WDR7: variants seen among roughly 807,000 people sequenced by gnomAD.
The protein encoded by WDR7 is WD repeat domain 7, also known as WD repeat-containing protein 7.
Under a neutral mutation model 169.4 loss-of-function variants are expected in WDR7, and 46 were observed. That is an observed-to-expected ratio of 0.27 (90% CI 0.21 to 0.35). The LOEUF is 0.35. Ranked by LOEUF, WDR7 falls within the 10% of genes least tolerant of loss-of-function variation. The pLI, the probability that WDR7 is intolerant of heterozygous loss-of-function variation, is 1.00. For synonymous variants in WDR7, 612 were observed against 666.8 expected, an observed-to-expected ratio of 0.92 and a Z score of 1.27; for missense variants, 1,534 against 1,859.3, an observed-to-expected ratio of 0.83 and a Z score of 3.22.
At chr18:56,798,463 G>A (rs540438526) in intron 19 of WDR7, among the ~76,000 whole-genome samples, 20 of 152,296 alleles carry the variant, frequency 1.3e-4, no homozygotes, top group Admixed American at 5.9e-4. Flanking sequence ...GGCCAGGGAT[G>A]CTTCTAAACA....
chr18:57,002,082 C>T (rs1001030042), intron 26 of WDR7, among the ~76,000 whole-genome samples: 1 of 152,006 alleles, frequency 6.6e-6, no homozygotes, highest in South Asian at 2.1e-4. Context: ...TGTTTTACCC[C>T]TCCTGAGGTG....
intron 13 of WDR7, among the ~76,000 whole-genome samples, chr18:56,725,714 C>T (rs1344640524): frequency 6.6e-6 from 1 of 152,170 alleles, no homozygotes; most frequent in African/African-American, 2.4e-5. Context: ...GTGTTTTAGA[C>T]ATGAAGTCCT....
At chr18:56,990,366 T>A (rs939022691) in intron 26 of WDR7, among the ~76,000 whole-genome samples, 1 of 152,354 alleles carries the variant, frequency 6.6e-6, no homozygotes, top group Admixed American at 6.5e-5. Flanking sequence ...ATGGGAATCC[T>A]TGTGCTTCTC....
In WDR7 at chr18:56,756,722, C is replaced by T. The variant is rs754890073; in HGVS notation, c.2129C>T (p.Pro710Leu). 8.7e-6 allele frequency: 14 copies of T among 1,613,952 alleles called. No individual in the cohort carries two copies. The South Asian group carries it at 8.8e-5, about 10-fold the overall frequency. Residue 710 changes from proline (P) to leucine (L), a missense_variant, in exon 15 of 28, where the codon CCG becomes CTG. By Grantham distance (98) the Pro-to-Leu change is moderately conservative. Transcript: ENST00000254442. The part of the protein sequence containing the change: ...IQLLTEEASR[P>L]NTALISPENL... ...CTCCTGACTGAAGAAGCCTCTAGGC[C>T]GAATACTGCTCTTATTTCCCCAGAG...
intron 19 of WDR7, among the ~76,000 whole-genome samples, chr18:56,807,401 G>T (rs149465343): frequency 3.9e-5 from 6 of 152,002 alleles, no homozygotes; most frequent in Non-Finnish European, 5.9e-5. Flanking sequence ...ACCAAAATTG[G>T]TGTTGTCAGC....
chr18:56,784,001 A>C (rs1165608547), intron 19 of WDR7, among the ~76,000 whole-genome samples: 1 of 152,180 alleles, frequency 6.6e-6, no homozygotes, highest in Non-Finnish European at 1.5e-5. Flanking sequence ...AGTAATACCT[A>C]CCATTAATTG....
chr18:56,685,734 A>G (rs1389735726), intron 5 of WDR7, among the ~76,000 whole-genome samples: 2 of 152,232 alleles, frequency 1.3e-5, no homozygotes, highest in Non-Finnish European at 2.9e-5. Context: ...TAAAAAATTC[A>G]ATTAGCTAGA....
At chr18:56,875,301 C>T (rs756499635) in intron 20 of WDR7, among the ~76,000 whole-genome samples, 8 of 152,146 alleles carry the variant, frequency 5.3e-5, no homozygotes, top group African/African-American at 9.7e-5. Flanking sequence ...CTCCACTTCC[C>T]GTGTCTTCTG....
chr18:56,700,252 C>CTTTTTTTTTTTTTT (rs1226348026), intron 12 of WDR7, among the ~76,000 whole-genome samples: 7 of 67,250 alleles, frequency 1.0e-4, no homozygotes, highest in Non-Finnish European at 1.3e-4. Context: ...TTTTCATTTT[C>CTTTTTTTTTTTTTT]TTTTTTTTTT....
At chr18:56,978,437 A>C (rs2047597395) in intron 26 of WDR7, among the ~76,000 whole-genome samples, 1 of 152,234 alleles carries the variant, frequency 6.6e-6, no homozygotes, top group Non-Finnish European at 1.5e-5. Flanking sequence ...TTTTTAGGCT[A>C]AAGGAAATAG....
intron 21 of WDR7, among the ~76,000 whole-genome samples, chr18:56,915,868 CAAGT>C (rs771756994): frequency 6.6e-6 from 1 of 152,312 alleles, no homozygotes; most frequent in Non-Finnish European, 1.5e-5. Context: ...CCATTCAATC[CAAGT>C]TCCCTTGCCT....
chr18:56,672,646 G>T lies in WDR7; in HGVS notation c.131G>T (p.Cys44Phe), dbSNP rs753935653. The change falls in exon 2 of 28, where the codon TGT (cysteine) becomes TTT (phenylalanine). Residue 44 changes from cysteine to phenylalanine, a missense_variant. By Grantham distance (205) the Cys-to-Phe change is radical. Transcript: ENST00000254442. ...ACAGGATGTCACGACGGACAAATAT[G>T]TCTCTGGGATCTTTCAGTAGAACTG... ...IVTGCHDGQI[C>F]LWDLSVELQI... The T allele has an allele frequency of 5.0e-6, 8 of 1,611,690 alleles. No individual in the cohort carries two copies. The highest frequency in any genetic ancestry group is 3.4e-5 in the Admixed American group (2 of 59,644).
chr18:57,007,402 T>A (rs2048077102), intron 26 of WDR7, among the ~76,000 whole-genome samples: 1 of 152,176 alleles, frequency 6.6e-6, no homozygotes, highest in African/African-American at 2.4e-5. Flanking sequence ...TGTGGATAAC[T>A]GATGAAATTT....
At chr18:56,844,155 T>C (rs2045530739) in intron 20 of WDR7, among the ~76,000 whole-genome samples, 1 of 146,938 alleles carries the variant, frequency 6.8e-6, no homozygotes, top group Admixed American at 6.7e-5. Flanking sequence ...GCCACCACAC[T>C]CAATCTATTT....
intron 12 of WDR7, among the ~76,000 whole-genome samples, chr18:56,702,483 A>G (rs1438531778): frequency 6.6e-6 from 1 of 152,226 alleles, no homozygotes; most frequent in African/African-American, 2.4e-5. Context: ...AAAATTCATG[A>G]ATTAAAAAAT....
intron 26 of WDR7, among the ~76,000 whole-genome samples, chr18:56,996,598 T>C (rs2047902513): frequency 2.0e-5 from 3 of 152,096 alleles, no homozygotes; most frequent in African/African-American, 4.8e-5. Flanking sequence ...TAGGAAATCA[T>C]GTAGAATTAG....
chr18:56,689,410 A>G (rs902630346), intron 7 of WDR7, among the ~76,000 whole-genome samples: 2 of 152,036 alleles, frequency 1.3e-5, no homozygotes, highest in Admixed American at 6.6e-5. Flanking sequence ...ACAGGCATGG[A>G]CCACCACGCC....
At chr18:56,815,851 A>G (rs1157488149) in intron 19 of WDR7, among the ~76,000 whole-genome samples, 180 bp from the exon 20 acceptor site, 2 of 152,250 alleles carry the variant, frequency 1.3e-5, no homozygotes, top group Admixed American at 1.3e-4. Flanking sequence ...TATACATGCA[A>G]ATAAATAGAG....
chr18:56,791,057 A>G (rs1193953887), intron 19 of WDR7, among the ~76,000 whole-genome samples: 1 of 152,172 alleles, frequency 6.6e-6, no homozygotes, highest in Non-Finnish European at 1.5e-5. Context: ...TGATTTAGAG[A>G]TGAAAATAAC....
Sources: gnomAD v4.1 joint callset for allele counts (sites outside exome capture counted in the v4.1 genomes callset) on GRCh38, gnomAD v4.1.1 for gene constraint, MANE v1.5 for transcripts, NCBI Gene and HGNC (gene_info 2026-07-23, HGNC 2026-07-21) for gene names.